Variants in GNPTAB observed in about 807,000 individuals in gnomAD.
GNPTAB encodes N-acetylglucosamine-1-phosphotransferase subunits alpha/beta.
Under a neutral mutation model 136.6 loss-of-function variants are expected in GNPTAB, and 92 were observed. The ratio of observed to expected loss-of-function variants is 0.67; its 90% confidence interval spans 0.57 to 0.80. The LOEUF (loss-of-function observed/expected upper bound fraction) is 0.80. Among genes scored for constraint, GNPTAB ranks in the 30% least tolerant of loss-of-function variants. The pLI, the probability that GNPTAB is intolerant of heterozygous loss-of-function variation, is 0.00. For synonymous variants in GNPTAB, 512 were observed against 535.1 expected, an observed-to-expected ratio of 0.96 and a Z score of 0.60; for missense variants, 1,343 against 1,501.8, an observed-to-expected ratio of 0.89 and a Z score of 1.75.
chr12:101,774,983 G>A (rs1198018315), intron 7 of GNPTAB, among the ~76,000 whole-genome samples: 1 of 152,204 alleles, frequency 6.6e-6, no homozygotes, highest in African/African-American at 2.4e-5. Flanking sequence ...GCGTCAAGTT[G>A]TCTAAACAAT....
chr12:101,818,933 C>T (rs1870656470), intron 1 of GNPTAB, among the ~76,000 whole-genome samples: 1 of 152,116 alleles, frequency 6.6e-6, no homozygotes, highest in African/African-American at 2.4e-5. Context: ...GTAAGATGTG[C>T]CTTTGCTCCT....
rs373942566 is a variant in GNPTAB, at chr12:101,757,557, G to C, written c.3335+15C>G. 8.4e-7 allele frequency: 1 copy of C among 1,197,588 alleles called. No homozygotes were observed. Among genetic ancestry groups the C allele is most frequent in the Non-Finnish European group, 1.2e-6 (1 of 800,626 alleles). The allele number at this position is 1,197,588 out of a possible 1,614,324, so 74.2% of individuals were successfully genotyped here. A position where few individuals can be genotyped will look rare whatever the true frequency, so the allele number is the denominator to read the frequency against. On this transcript the variant is annotated intron_variant, in intron 17 of 20. Transcript: ENST00000299314. ...CTCTTATACTAAACAAAGGGAGTAT[G>C]CGTGTACTACTTACCTATATTTGTT...
Position 101,753,475 on chromosome 12 carries a change from C to T in GNPTAB, c.3499G>A (p.Val1167Ile). The change falls in exon 19 of 21, where the codon GTT (valine) becomes ATT (isoleucine). Residue 1167 changes from valine (V) to isoleucine (I), a missense_variant. Physicochemically the swap from Val to Ile is conservative, Grantham distance 29. Transcript: ENST00000299314. The stretch of plus-strand genomic sequence containing the variant: ...ATGGATTCATAGAAGTCCCTGAGAA[C>T]AGCCTTCACTGTCTGAGCATCTTTA... ...NHKDAQTVKA[V>I]LRDFYESMFP... 6.2e-7 allele frequency: 1 copy of T among 1,613,582 alleles called. No individual in the cohort carries two copies. Among genetic ancestry groups the T allele is most frequent in the East Asian group, 2.2e-5 (1 of 44,866 alleles).
At chr12:101,807,536 C>G (rs2137170890) in intron 1 of GNPTAB, among the ~76,000 whole-genome samples, 1 of 152,062 alleles carries the variant, frequency 6.6e-6, no homozygotes, top group South Asian at 2.1e-4. Flanking sequence ...TGTCTTTGTT[C>G]ACCGATGACA....
rs1184993646 is a variant in GNPTAB, at chr12:101,786,173, G to T, written c.410C>A (p.Pro137Gln). Residue 137 changes from proline (P) to glutamine (Q), a missense_variant, in exon 5 of 21, where the codon CCA (proline) becomes CAA (glutamine). Physicochemically the swap from Pro to Gln is moderately conservative, Grantham distance 76 (BLOSUM62 -1). Transcript: ENST00000299314. ...ECLLTHCIKV[P>Q]MLVLDPALPA... ...CAGGGCTGGGTCCAGGACAAGCATT[G>T]GCACCTTAATGCAGTGTGTTAGCAA... 3.7e-6 allele frequency: 6 copies of T among 1,613,774 alleles called. No homozygotes were observed. Among genetic ancestry groups the T allele is most frequent in the Non-Finnish European group, 5.1e-6 (6 of 1,179,946 alleles).
chr12:101,765,655 T>C (rs997608211), intron 12 of GNPTAB: 10 of 364,506 alleles, frequency 2.7e-5, no homozygotes, highest in Admixed American at 2.2e-4. Context: ...TATAGAGATA[T>C]GGCATGGTTC....
chr12:101,799,822 C>A (rs563160856), intron 1 of GNPTAB, among the ~76,000 whole-genome samples: 11 of 151,468 alleles, frequency 7.3e-5, no homozygotes, highest in Non-Finnish European at 1.6e-4. Context: ...GGTCTACCTG[C>A]CGCAAAACAC....
At chr12:101,775,752 A>AAAAAAG (rs1215672139) in intron 7 of GNPTAB, among the ~76,000 whole-genome samples, 8 of 152,134 alleles carry the variant, frequency 5.3e-5, no homozygotes, top group Non-Finnish European at 1.5e-5. Flanking sequence ...AAATAAAACA[A>AAAAAAG]AAAAAGAAAA....
intron 19 of GNPTAB, among the ~76,000 whole-genome samples, chr12:101,753,151 G>C (rs1952844907): frequency 6.6e-6 from 1 of 151,944 alleles, no homozygotes. Flanking sequence ...CTACTCAGGA[G>C]GCTGAGGCAG....
chr12:101,769,128 G>A lies in GNPTAB; in HGVS notation c.1284+893C>T, dbSNP rs148070439. ...AGAGTTTTATAACTTCTAAGTTTAC[G>A]GTGATAAGTCTCTAACTTATCACTG... On this transcript the variant is annotated intron_variant, in intron 10 of 20. Coordinates refer to ENST00000299314, the MANE Select transcript of GNPTAB (RefSeq NM_024312.5). 4.0e-3 allele frequency among the ~76,000 whole-genome samples: 613 copies of A among 151,652 alleles called. 3 individuals are homozygous for A. Among genetic ancestry groups the A allele is most frequent in the African/African-American group, 0.014 (575 of 41,516 alleles).
intron 2 of GNPTAB, among the ~76,000 whole-genome samples, chr12:101,795,108 T>G (rs182487165): frequency 4.9e-4 from 74 of 152,316 alleles, no homozygotes; most frequent in Middle Eastern, 3.4e-3. Flanking sequence ...AAAATTATAT[T>G]TCATTAAAAA....
intron 13 of GNPTAB, among the ~76,000 whole-genome samples, chr12:101,763,038 T>C (rs964798296): frequency 2.0e-5 from 3 of 151,276 alleles, no homozygotes; most frequent in Admixed American, 6.6e-5. Context: ...CTGGCTAACA[T>C]GGTGAAACCC....
intron 1 of GNPTAB, among the ~76,000 whole-genome samples, chr12:101,824,432 A>ATATATATATATATATATATATATATATTT (rs1188582277): frequency 2.0e-5 from 1 of 50,886 alleles, no homozygotes; most frequent in Non-Finnish European, 3.5e-5. Flanking sequence ...ATATATATAT[A>ATATATATATATATATATATATATATATTT]TTTTCTTTTT....
intron 1 of GNPTAB, among the ~76,000 whole-genome samples, chr12:101,799,051 T>TA (rs1006388651): frequency 2.9e-4 from 39 of 136,380 alleles, no homozygotes; most frequent in Non-Finnish European, 5.1e-4. Flanking sequence ...CATTGTTTTT[T>TA]AAAAAAAAAG....
At chr12:101,756,203 A>G (rs730013) in intron 18 of GNPTAB, 70,976 of 157,724 alleles carry the variant, frequency 0.45, 16,349 homozygotes, top group African/African-American at 0.56. Flanking sequence ...CTGGATTACT[A>G]AAGACACTAA....
At chr12:101,782,190 G>A (rs1406517697) in intron 5 of GNPTAB, among the ~76,000 whole-genome samples, 2 of 151,742 alleles carry the variant, frequency 1.3e-5, no homozygotes, top group African/African-American at 2.4e-5. Context: ...TTGGAGCAAT[G>A]AGTCAAATCT....
chr12:101,815,093 G>T (rs911428554), intron 1 of GNPTAB, among the ~76,000 whole-genome samples: 2 of 152,152 alleles, frequency 1.3e-5, no homozygotes, highest in Admixed American at 6.6e-5. Flanking sequence ...TTGAGACAGG[G>T]TCTCATTTCA....
intron 7 of GNPTAB, among the ~76,000 whole-genome samples, chr12:101,771,616 C>G (rs1288415939): frequency 1.3e-5 from 2 of 152,128 alleles, no homozygotes; most frequent in East Asian, 3.8e-4. Context: ...AGATGCATTT[C>G]CCAAATGAAT....
Position 101,801,231 on chromosome 12 carries a change from CAAAAAAAAAAAAAAA to C in GNPTAB, c.118-4484_118-4470del, listed in dbSNP as rs35036983. On this transcript the variant is annotated intron_variant, in intron 1 of 20. Transcript: ENST00000299314. ...TAGGTGACAGAACGAGACCCTGTCT[CAAAAAAAAAAAAAAA>C]AAAAAAAAAAAAAGGCCAGGCATAG... 6.8e-3 allele frequency among the ~76,000 whole-genome samples: 87 copies of C among 12,766 alleles called. 1 individual carries two copies. The East Asian group carries it at 0.13, about 19-fold the overall frequency. 8.4% of individuals were successfully genotyped at this position (12,766 alleles called of 152,430 possible).
Sources: gnomAD v4.1 joint callset for allele counts (sites outside exome capture counted in the v4.1 genomes callset) on GRCh38, gnomAD v4.1.1 for gene constraint, MANE v1.5 for transcripts, NCBI Gene and HGNC (gene_info 2026-07-23, HGNC 2026-07-21) for gene names.